The following APOL5 variants were observed in gnomAD, a reference collection of about 807,000 sequenced individuals.
APOL5 encodes the protein apolipoprotein L, 5.
APOL5 carries 29 observed loss-of-function variants against 35.5 expected under a neutral mutation model. That is an observed-to-expected ratio of 0.82 (90% confidence interval 0.61 to 1.11). APOL5 has a LOEUF of 1.11. Among genes scored for constraint, APOL5 ranks in the 50% most tolerant of loss-of-function variants. The pLI is 0.00. For synonymous variants in APOL5, 188 were observed against 200.2 expected, an observed-to-expected ratio of 0.94 and a Z score of 0.51; for missense variants, 514 against 530.4, an observed-to-expected ratio of 0.97 and a Z score of 0.30.
chr22:35,726,288 C>A lies in APOL5; in HGVS notation c.220C>A (p.Leu74Met), dbSNP rs1452518093. ...TGTCCACAGTGATGAGGCTGGTATG[C>A]TGTCCTACTTTCTGTTTGAAGAGCT... ...STVHSDEAGM[L>M]SYFLFEELMR... The change falls in exon 3 of 5, where the codon CTG becomes ATG. Residue 74 changes from leucine (L) to methionine (M), a missense_variant. By Grantham distance (15) the Leu-to-Met change is conservative. Around this residue, in one of 3 missense-constraint regions of APOL5, gnomAD observed 254 missense variants for 254.7 expected, o/e 1.00. Transcript: ENST00000249044. The A allele has an allele frequency of 1.9e-6, 3 of 1,614,168 alleles. No homozygotes were observed. The highest frequency in any genetic ancestry group is 2.2e-5 in the South Asian group (2 of 91,080).
intron 2 of APOL5, among the ~76,000 whole-genome samples, chr22:35,722,129 A>C (rs1001357070): frequency 3.9e-5 from 6 of 152,202 alleles, no homozygotes; most frequent in Non-Finnish European, 7.3e-5. Context: ...AGGCACAGGC[A>C]CAGCCATTTT....
rs1927265877 is a variant in APOL5, at chr22:35,728,766, T to C, written c.1170T>C (p.Pro390=). ...CCTGGCCTGTTGTGGAGCACCAGCC[T>C]AGGCTGGGCCCTGGCGTGGCACTGA... ...PLPWPVVEHQ[P]RLGPGVALRT... Residue 390 remains proline (P), a synonymous_variant, in exon 4 of 5, where the codon CCT becomes CCC. Transcript: ENST00000249044. 1.9e-6 allele frequency: 3 copies of C among 1,613,552 alleles called. No homozygotes were observed. Among genetic ancestry groups the C allele is most frequent in the Non-Finnish European group, 1.7e-6 (2 of 1,179,878 alleles).
At chr22:35,711,644 T>TTCCTTCCTTCCC in the APOL5 span, among the ~76,000 whole-genome samples, 2 of 145,440 alleles carry the variant, frequency 1.4e-5, no homozygotes, top group African/African-American at 2.5e-5. Context: ...CCTTCCTTCC[T>TTCCTTCCTTCCC]TCCCTCCCTC....
the APOL5 span, among the ~76,000 whole-genome samples, chr22:35,708,794 T>C: frequency 2.0e-5 from 3 of 152,162 alleles, no homozygotes; most frequent in Admixed American, 1.3e-4. Flanking sequence ...TTGGACTCCT[T>C]GCTCAAAACT....
At chr22:35,722,404 G>A (rs1481465577) in intron 2 of APOL5, among the ~76,000 whole-genome samples, 1 of 152,168 alleles carries the variant, frequency 6.6e-6, no homozygotes, top group Non-Finnish European at 1.5e-5. Context: ...CCAGGTTCAC[G>A]TGATTCTCCT....
chr22:35,713,218 G>C (rs562573317), upstream of APOL5, among the ~76,000 whole-genome samples: 1 of 152,240 alleles, frequency 6.6e-6, no homozygotes, highest in South Asian at 2.1e-4. Context: ...TCTAATAGAT[G>C]GTATTTGCTT....
intron 4 of APOL5, 123 bp downstream of exon 4, chr22:35,729,027 C>T: frequency 1.7e-6 from 2 of 1,145,558 alleles, no homozygotes; most frequent in East Asian, 3.0e-5. Flanking sequence ...GTTGTTGCTA[C>T]CTTTCCATCC....
At chr22:35,725,178 T>G (rs750319514) in intron 2 of APOL5, among the ~76,000 whole-genome samples, 8 of 152,218 alleles carry the variant, frequency 5.3e-5, no homozygotes, top group Non-Finnish European at 1.0e-4. Context: ...GTTTAATTCA[T>G]GCAGAGCCAG....
chr22:35,727,138 C>G lies in APOL5; in HGVS notation c.1070C>G (p.Thr357Ser), dbSNP rs1418518894. The change falls in exon 3 of 5, where the codon ACC (threonine) becomes AGC (serine). Residue 357 changes from threonine (T) to serine (S), a missense_variant. Coordinates refer to ENST00000249044, the MANE Select transcript of APOL5 (RefSeq NM_030642.1). ...CACCTGCCGCAGAAGGCGAGCCAGA[C>G]CTGTTCCAGCTCCCGGGGCAGGGCT... ...HRHLPQKASQ[T>S]CSSSRGRAVR... 6.2e-7 allele frequency: 1 copy of G among 1,609,314 alleles called. No individual in the cohort carries two copies. Among genetic ancestry groups the G allele is most frequent in the Non-Finnish European group, 8.5e-7 (1 of 1,180,010 alleles).
At chr22:35,709,490 G>A in the APOL5 span, among the ~76,000 whole-genome samples, 189 of 152,222 alleles carry the variant, frequency 1.2e-3, no homozygotes, top group Non-Finnish European at 2.3e-3. Context: ...ATACTTGGTC[G>A]CTCAAGAAAT....
chr22:35,719,227 T>C (rs890264813), intron 1 of APOL5, among the ~76,000 whole-genome samples: 3 of 152,188 alleles, frequency 2.0e-5, no homozygotes, highest in African/African-American at 4.8e-5. Flanking sequence ...ATTATATTTT[T>C]TGTCAAATTT....
chr22:35,724,729 G>A (rs1369437965), intron 2 of APOL5, among the ~76,000 whole-genome samples: 1 of 151,974 alleles, frequency 6.6e-6, no homozygotes, highest in Non-Finnish European at 1.5e-5. Context: ...TCCTGCCTCA[G>A]CCTCCTGAGT....
At chr22:35,721,871 CA>C (rs147147412) in intron 2 of APOL5, among the ~76,000 whole-genome samples, 3,030 of 152,290 alleles carry the variant, frequency 0.02, 128 homozygotes, top group African/African-American at 0.069. Context: ...CCAAAGTGTC[CA>C]TAAGGTTCTC....
upstream of APOL5, among the ~76,000 whole-genome samples, chr22:35,713,825 T>C (rs1926661492): frequency 6.6e-6 from 1 of 152,202 alleles, no homozygotes; most frequent in Non-Finnish European, 1.5e-5. Context: ...ATGAAGTGAC[T>C]TGAGGCACTG....
rs559155171 is a variant in APOL5 at position 35,723,238 on chromosome 22, T to C, written c.142+2584T>C. ...CTTTCCCATAGATCCTCTCTCACTA[T>C]CCATCAAACCCAAGCCAAGTCTCTT... is the stretch of plus-strand genomic sequence containing the variant. On this transcript the variant is annotated intron_variant, in intron 2 of 4. Transcript: ENST00000249044. Among the ~76,000 whole-genome samples, 41 of 152,238 alleles carry C rather than the reference T, an allele frequency of 2.7e-4. No homozygotes were observed. The South Asian group carries it at 8.3e-3, about 31-fold the overall frequency.
At chr22:35,712,093 A>G in the APOL5 span, among the ~76,000 whole-genome samples, 1 of 151,802 alleles carries the variant, frequency 6.6e-6, no homozygotes, top group East Asian at 1.9e-4. Context: ...TGCAGCTTCA[A>G]CCTCCTGGGC....
chr22:35,728,865 G>T lies in APOL5; in HGVS notation c.1269G>T (p.Lys423Asn). ...CAGCCCCACCAGCACCAGCAAGAAA[G>T]GGGAGACAGGCCCCGGGAAGACACC... ...HQPAPPAPAR[K>N]GRQAPGRHRQ Residue 423 changes from lysine to asparagine, a missense_variant, in exon 4 of 5, where the codon AAG becomes AAT. Coordinates refer to ENST00000249044, the MANE Select transcript of APOL5 (RefSeq NM_030642.1). 1 of 1,609,800 alleles carries T rather than the reference G, an allele frequency of 6.2e-7. No individual in the cohort carries two copies. Among genetic ancestry groups the T allele is most frequent in the African/African-American group, 1.3e-5 (1 of 74,882 alleles).
the APOL5 span, among the ~76,000 whole-genome samples, chr22:35,710,113 CTTTTTTTTTTT>C: frequency 2.8e-3 from 247 of 86,714 alleles, 1 homozygote; most frequent in African/African-American, 0.014. Context: ...CTTTCTTTCT[CTTTTTTTTTTT>C]TTTTTTTTTT....
At chr22:35,713,489 C>A (rs1407336002), upstream of APOL5, among the ~76,000 whole-genome samples, 1 of 152,192 alleles carries the variant, frequency 6.6e-6, no homozygotes, top group Non-Finnish European at 1.5e-5. Flanking sequence ...GTGCTCTTCT[C>A]CCCTCTAAGC....
Sources: gnomAD v4.1 joint callset for allele counts (sites outside exome capture counted in the v4.1 genomes callset) on GRCh38, gnomAD v4.1.1 for gene constraint, gnomAD v4.1.1 regional missense constraint, MANE v1.5 for transcripts, NCBI Gene and HGNC (gene_info 2026-07-23, HGNC 2026-07-21) for gene names.